The following SEC14L5 variants were observed in gnomAD, a reference collection of about 807,000 sequenced individuals.
The protein encoded by SEC14L5 is SEC14-like protein 5.
A neutral mutation model predicts 84.6 loss-of-function variants in SEC14L5; 96 were observed. That is an observed-to-expected ratio of 1.13 (90% confidence interval 0.96 to 1.34). SEC14L5 has a LOEUF of 1.34. SEC14L5 is among the 40% of genes most tolerant of loss of function. The probability of loss-of-function intolerance (pLI) is 0.00; values close to 1 mark genes in which losing one functional copy is unlikely to be tolerated. For synonymous variants in SEC14L5, 546 were observed against 383.4 expected, an observed-to-expected ratio of 1.42 and a Z score of -4.95; for missense variants, 1,224 against 942.5, an observed-to-expected ratio of 1.30 and a Z score of -3.91.
rs372590850 is a variant in SEC14L5, at chr16:5,015,191, G to C, written c.*221G>C. The C allele has an allele frequency of 1.8e-6, 1 of 559,806 alleles. No individual in the cohort carries two copies. Among genetic ancestry groups the C allele is most frequent in the Non-Finnish European group, 3.2e-6 (1 of 314,526 alleles). 34.7% of individuals were successfully genotyped at this position (559,806 alleles called of 1,614,324 possible). A position where few individuals can be genotyped will look rare whatever the true frequency, so the allele number is the denominator to read the frequency against. On this transcript the variant is annotated 3_prime_UTR_variant, in exon 16 of 16. Transcript: ENST00000251170. ...GCAAGGACAGAACCATCTCCTTCCG[G>C]CTTCGTGTAAGGAAGACCAAGCCAA...
chr16:4,987,857 G>A (rs1040801972), intron 3 of SEC14L5, among the ~76,000 whole-genome samples, 151 bp downstream of exon 3: 6 of 151,944 alleles, frequency 3.9e-5, no homozygotes, highest in African/African-American at 1.5e-4. Flanking sequence ...TCCAGGATGA[G>A]GGTGGCGGGA....
chr16:4,970,791 A>T (rs537499493), intron 2 of SEC14L5, among the ~76,000 whole-genome samples: 1 of 152,268 alleles, frequency 6.6e-6, no homozygotes, highest in East Asian at 1.9e-4. Context: ...AAGTACATCC[A>T]AGTGTGCAGA....
chr16:4,988,047 C>G (rs1955512120), intron 3 of SEC14L5, 102 bp from the exon 4 acceptor site: 6 of 1,299,948 alleles, frequency 4.6e-6, no homozygotes, highest in Non-Finnish European at 6.5e-6. Flanking sequence ...ACCTGGGACT[C>G]AGGGCAGGGG....
Position 4,996,909 on chromosome 16 carries a change from G to T in SEC14L5, c.835G>T (p.Asp279Tyr). Residue 279 changes from aspartate (D) to tyrosine (Y), a missense_variant, in exon 8 of 16, where the codon GAC (aspartate) becomes TAC (tyrosine). Asp to Tyr is a radical substitution (Grantham distance 160, BLOSUM62 -3). Coordinates refer to ENST00000251170, the MANE Select transcript of SEC14L5 (RefSeq NM_014692.2). ...RFLRAHDFHLDKAREMLRQSL... is the reference protein window; with the variant it reads ...RFLRAHDFHLYKAREMLRQSL... The stretch of plus-strand genomic sequence containing the variant: ...CCTGCGGGCTCATGACTTCCACCTG[G>T]ACAAGGCCCGGGAAATGCTGCGCCA... The T allele has an allele frequency of 6.2e-7, 1 of 1,613,670 alleles. No homozygotes were observed. Among genetic ancestry groups the T allele is most frequent in the Non-Finnish European group, 8.5e-7 (1 of 1,179,796 alleles).
At chr16:5,002,784 C>A (rs1955691284) in intron 10 of SEC14L5, among the ~76,000 whole-genome samples, 1 of 152,292 alleles carries the variant, frequency 6.6e-6, no homozygotes, top group African/African-American at 2.4e-5. Flanking sequence ...ACCAAGATCA[C>A]ACAGCAAGTG....
intron 3 of SEC14L5, 37 bp downstream of exon 3, chr16:4,987,743 C>T (rs1955507902): frequency 7.0e-7 from 1 of 1,435,702 alleles, no homozygotes; most frequent in African/African-American, 1.5e-5. Context: ...GAGGAGGGGA[C>T]CTGTTGCGGA....
intron 2 of SEC14L5, among the ~76,000 whole-genome samples, chr16:4,964,184 T>C (rs558671137): frequency 2.0e-5 from 3 of 152,110 alleles, no homozygotes; most frequent in African/African-American, 7.2e-5. Context: ...GGTCCTTGCA[T>C]AGAGGACACA....
rs957019962 is a variant in SEC14L5, at chr16:5,018,439, G to C, written c.*3469G>C. On this transcript the variant is annotated 3_prime_UTR_variant, in exon 16 of 16. Transcript: ENST00000251170. ...CCCAACACTTTGGGAGGCTGAGGCC[G>C]GCTGATCGCTTGAGTGCAGGAGTTC... The C allele has an allele frequency of 2.0e-5, 3 of 152,256 alleles. No individual in the cohort carries two copies. Among genetic ancestry groups the C allele is most frequent in the Admixed American group, 2.0e-4 (3 of 15,276 alleles). The allele number at this position is 152,256 out of a possible 1,614,324, so 9.4% of individuals were successfully genotyped here.
rs1008139781 is a variant in SEC14L5 at position 5,017,701 on chromosome 16, C to G, written c.*2731C>G. The stretch of plus-strand genomic sequence containing the variant: ...CCATTCCCCCAATGGACAAGAGAAG[C>G]TGGACCACAGAACCAGCAGGTATCC... On this transcript the variant is annotated 3_prime_UTR_variant, in exon 16 of 16. Transcript: ENST00000251170. 1.3e-5 allele frequency: 2 copies of G among 152,196 alleles called. No homozygotes were observed. Among genetic ancestry groups the G allele is most frequent in the Admixed American group, 6.5e-5 (1 of 15,284 alleles). 9.4% of individuals were successfully genotyped at this position (152,196 alleles called of 1,614,324 possible).
intron 11 of SEC14L5, among the ~76,000 whole-genome samples, chr16:5,005,281 C>G (rs1955717787): frequency 6.6e-6 from 1 of 151,816 alleles, no homozygotes; most frequent in African/African-American, 2.4e-5. Flanking sequence ...CGCCATTGCA[C>G]TCAAGCCTGG....
At chr16:5,014,176 A>G (rs1043364073) in intron 15 of SEC14L5, among the ~76,000 whole-genome samples, 3 of 152,260 alleles carry the variant, frequency 2.0e-5, no homozygotes, top group African/African-American at 7.2e-5. Flanking sequence ...CGCATGGGCC[A>G]CATTTCAAGT....
intron 4 of SEC14L5, among the ~76,000 whole-genome samples, chr16:4,989,327 G>GTTTTTTTTTTTT (rs5815223): frequency 2.9e-5 from 4 of 136,458 alleles, no homozygotes; most frequent in Non-Finnish European, 3.2e-5. Context: ...TGTTTGTTTT[G>GTTTTTTTTTTTT]TTTTTTTTTT....
chr16:4,972,328 G>A (rs1955289500), intron 2 of SEC14L5, among the ~76,000 whole-genome samples: 1 of 152,022 alleles, frequency 6.6e-6, no homozygotes, highest in Non-Finnish European at 1.5e-5. Context: ...TTATTGTGAT[G>A]AAATACACGT....
At chr16:4,967,749 T>C (rs983949148) in intron 2 of SEC14L5, among the ~76,000 whole-genome samples, 5 of 150,590 alleles carry the variant, frequency 3.3e-5, no homozygotes, top group Non-Finnish European at 3.0e-5. Context: ...ATTTTTGTAT[T>C]TTTAATAGAG....
chr16:4,979,730 C>CCG (rs776507362), intron 2 of SEC14L5, among the ~76,000 whole-genome samples: 4 of 6,058 alleles, frequency 6.6e-4, no homozygotes, highest in African/African-American at 7.5e-4. Flanking sequence ...TTTCTTGCTC[C>CCG]TGTCATTTTC....
intron 11 of SEC14L5, among the ~76,000 whole-genome samples, chr16:5,004,220 G>T (rs1000200847): frequency 2.0e-5 from 3 of 152,208 alleles, no homozygotes; most frequent in Admixed American, 6.5e-5. Flanking sequence ...AGGGGAGGGT[G>T]GGGGACAGAC....
chr16:4,962,225 TA>T (rs1955131863), intron 2 of SEC14L5, among the ~76,000 whole-genome samples: 1 of 147,922 alleles, frequency 6.8e-6, no homozygotes. Flanking sequence ...ACAGAAAAAC[TA>T]TATGAATAGC....
chr16:4,978,428 G>GAAAAAAA (rs1184180477), intron 2 of SEC14L5, among the ~76,000 whole-genome samples: 2 of 52,196 alleles, frequency 3.8e-5, no homozygotes, highest in Non-Finnish European at 6.3e-5. Flanking sequence ...AAAAAAAAAG[G>GAAAAAAA]AAAAAAAAGA....
intron 11 of SEC14L5, among the ~76,000 whole-genome samples, chr16:5,004,407 C>T (rs1955709436): frequency 6.6e-6 from 1 of 152,048 alleles, no homozygotes; most frequent in Non-Finnish European, 1.5e-5. Context: ...CAGCCGGGGT[C>T]CTGGCTGGAA....
Sources: allele counts gnomAD v4.1 joint callset (sites outside exome capture counted in the v4.1 genomes callset), GRCh38; gene constraint gnomAD v4.1.1; transcripts MANE v1.5; gene names NCBI Gene and HGNC (gene_info 2026-07-23, HGNC 2026-07-21).